The following MAST1 variants were observed in gnomAD, a reference collection of about 807,000 sequenced individuals.
The protein encoded by MAST1 is microtubule associated serine/threonine kinase 1, also known as microtubule-associated serine/threonine-protein kinase 1.
MAST1 carries 40 observed loss-of-function variants against 124.6 expected under a neutral mutation model. That is an observed-to-expected ratio of 0.32 (90% CI 0.25 to 0.42). The LOEUF is 0.42. Among genes scored for constraint, MAST1 ranks in the 10% least tolerant of loss-of-function variants. The probability of loss-of-function intolerance (pLI) is 1.00; values close to 1 mark genes in which losing one functional copy is unlikely to be tolerated. For synonymous variants in MAST1, 938 were observed against 939.4 expected (o/e 1.00, Z 0.03); for missense variants, 1,558 against 2,181.9 (o/e 0.71, Z 5.70).
At chr19:12,857,014 C>T (rs1473192474) in intron 10 of MAST1, among the ~76,000 whole-genome samples, 5 of 152,116 alleles carry the variant, frequency 3.3e-5, no homozygotes, top group Non-Finnish European at 7.3e-5. Context: ...TTTTTTCTCC[C>T]AATCTGCTAG....
At chr19:12,858,251 A>T (rs1970039980) in intron 10 of MAST1, 111 bp from the exon 11 acceptor site, 1 of 928,580 alleles carries the variant, frequency 1.1e-6, no homozygotes, top group Non-Finnish European at 1.7e-6. Context: ...TGGCACTTGG[A>T]TGAAGGACTC....
At position 12,838,540 on chromosome 19, in the gene MAST1, C is replaced by T; in HGVS notation, c.-33C>T. 1 of 1,483,530 alleles carries T rather than the reference C, an allele frequency of 6.7e-7. No homozygotes were observed. Among genetic ancestry groups the T allele is most frequent in the Non-Finnish European group, 9.0e-7 (1 of 1,110,148 alleles). 91.9% of individuals were successfully genotyped at this position (1,483,530 alleles called of 1,614,324 possible). On this transcript the variant is annotated 5_prime_UTR_variant, in exon 1 of 26. Coordinates refer to ENST00000251472, the MANE Select transcript of MAST1 (RefSeq NM_014975.3). This position sits in a 1 kb window ranked among gnomAD's most constrained non-coding sequence, Gnocchi z 4.3. ...GCCGCCGCCGCCTCCGCCGCTGCTG[C>T]CGCACCTGCCACCATGTCGCCGCCG...
chr19:12,851,399 G>A lies in MAST1; in HGVS notation c.775-535G>A, dbSNP rs1969957891. ...CCACTTCAGCCTCCCAGGTAGCTAGGACTACAGGCACACACTACCACACCT... is the reference window on the plus strand; with the variant it reads ...CCACTTCAGCCTCCCAGGTAGCTAGAACTACAGGCACACACTACCACACCT... On this transcript the variant is annotated intron_variant, in intron 7 of 25. Coordinates refer to ENST00000251472, the MANE Select transcript of MAST1 (RefSeq NM_014975.3). 2.0e-5 allele frequency among the ~76,000 whole-genome samples: 3 copies of A among 152,054 alleles called. No individual in the cohort carries two copies. The South Asian group carries it at 6.2e-4, about 32-fold the overall frequency.
chr19:12,869,193 C>A lies in MAST1; in HGVS notation c.2901C>A (p.Pro967=). The change falls in exon 22 of 26, where the codon CCC becomes CCA. Residue 967 remains proline (P), a synonymous_variant. Coordinates refer to ENST00000251472, the MANE Select transcript of MAST1 (RefSeq NM_014975.3). ...YSPAVSGLRS[P]ITIQRSGKKY... ...CAGCTGTCAGTGGGCTCCGCTCCCCCATCACCATCCAGCGCTCGGGCAAGA... is the reference window on the plus strand; with the variant it reads ...CAGCTGTCAGTGGGCTCCGCTCCCCAATCACCATCCAGCGCTCGGGCAAGA... The A allele has an allele frequency of 6.2e-7, 1 of 1,614,190 alleles. No homozygotes were observed. Among genetic ancestry groups the A allele is most frequent in the Non-Finnish European group, 8.5e-7 (1 of 1,180,030 alleles).
At chr19:12,863,722 C>T (rs956677107) in intron 12 of MAST1, among the ~76,000 whole-genome samples, 1 of 152,024 alleles carries the variant, frequency 6.6e-6, no homozygotes, top group African/African-American at 2.4e-5. Flanking sequence ...CCGGTTGCTG[C>T]ACATGGAAGG....
intron 4 of MAST1, among the ~76,000 whole-genome samples, chr19:12,845,618 G>A (rs984064759): frequency 2.7e-5 from 4 of 149,088 alleles, no homozygotes; most frequent in African/African-American, 9.8e-5. Context: ...CAAGAGGAGA[G>A]CCAGGCATAG....
chr19:12,848,078 G>C (rs1432863163), intron 7 of MAST1, 21 bp downstream of exon 7: 2 of 1,607,408 alleles, frequency 1.2e-6, no homozygotes, highest in Non-Finnish European at 1.7e-6. Context: ...GCGGAGGCCG[G>C]GCTGATCTCA....
At chr19:12,854,534 C>T (rs1969998568) in intron 10 of MAST1, among the ~76,000 whole-genome samples, 1 of 152,188 alleles carries the variant, frequency 6.6e-6, no homozygotes, top group South Asian at 2.1e-4. Flanking sequence ...GCTTGTGTCA[C>T]TGCTTCATTC....
rs367908298 is a variant in MAST1, at chr19:12,840,443, C to T, written c.84-3C>T. 8.1e-6 allele frequency: 13 copies of T among 1,610,308 alleles called. No individual in the cohort carries two copies. Among genetic ancestry groups the T allele is most frequent in the Non-Finnish European group, 1.0e-5 (12 of 1,177,254 alleles). ...CGGCCCCCCTGCCTTACCTTCCCCG[C>T]AGCTGCCGCACCAGTAATCGGAAAA... On this transcript the variant is annotated splice_polypyrimidine_tract_variant and splice_region_variant and intron_variant, in intron 1 of 25. Coordinates refer to ENST00000251472, the MANE Select transcript of MAST1 (RefSeq NM_014975.3).
chr19:12,859,139 G>T (rs557067807), intron 12 of MAST1, among the ~76,000 whole-genome samples: 3 of 152,068 alleles, frequency 2.0e-5, no homozygotes, highest in Non-Finnish European at 4.4e-5. Context: ...CAGTGCAGTG[G>T]TGCAATCTCG....
intron 12 of MAST1, among the ~76,000 whole-genome samples, chr19:12,863,268 T>C (rs1970108907): frequency 6.6e-6 from 1 of 151,498 alleles, no homozygotes; most frequent in Non-Finnish European, 1.5e-5. Flanking sequence ...AGATGACTGC[T>C]CTAGTCCAGG....
rs966790949 is a variant in MAST1 at position 12,841,269 on chromosome 19, C to G, written c.248+203C>G. Among the ~76,000 whole-genome samples the G allele has an allele frequency of 6.6e-6, 1 of 152,254 alleles. No homozygotes were observed. Reference sequence around the variant, plus strand: ...GCGGGGTCCAATCGCCGATCTGGAACGGGGAAGGCGGTGGGGCTCCCTTTG... The same window carrying G: ...GCGGGGTCCAATCGCCGATCTGGAAGGGGGAAGGCGGTGGGGCTCCCTTTG... On this transcript the variant is annotated intron_variant, in intron 3 of 25. Coordinates refer to ENST00000251472, the MANE Select transcript of MAST1 (RefSeq NM_014975.3). This position sits in a 1 kb window ranked among gnomAD's most constrained non-coding sequence, Gnocchi z 4.3.
intron 20 of MAST1, among the ~76,000 whole-genome samples, chr19:12,868,324 G>T (rs1373667111): frequency 6.6e-6 from 1 of 151,774 alleles, no homozygotes; most frequent in Non-Finnish European, 1.5e-5. Flanking sequence ...GGCAAGGCTG[G>T]TCTCGAACTC....
In MAST1 at chr19:12,858,644, A is replaced by G. The variant is rs1342421667; in HGVS notation, c.1271A>G (p.Asp424Gly). Residue 424 changes from aspartate (D) to glycine (G), a missense_variant, in exon 12 of 26, where the codon GAT becomes GGT. Asp to Gly is a moderately conservative substitution (Grantham distance 94). Around this residue, in one of 10 missense-constraint regions of MAST1, gnomAD observed 136 missense variants for 160.9 expected, o/e 0.85. Transcript: ENST00000251472. ...ATCCAGCAGGCCTTTGTGGAGCGCG[A>G]TATCCTCACCTTCGCCGAGAACCCG... is the stretch of plus-strand genomic sequence containing the variant. ...NQIQQAFVER[D>G]ILTFAENPFV... 6.2e-7 allele frequency: 1 copy of G among 1,614,192 alleles called. No individual in the cohort carries two copies. Among genetic ancestry groups the G allele is most frequent in the Non-Finnish European group, 8.5e-7 (1 of 1,180,018 alleles).
intron 3 of MAST1, among the ~76,000 whole-genome samples, chr19:12,842,768 G>A (rs1177205980): frequency 6.6e-6 from 1 of 152,190 alleles, no homozygotes; most frequent in African/African-American, 2.4e-5. Context: ...TGTCTGGAAC[G>A]TGCATCTGTG....
chr19:12,865,567 A>AC lies in MAST1; in HGVS notation c.1804+92dup. 4.6e-6 allele frequency: 7 copies of AC among 1,513,754 alleles called. No homozygotes were observed. The highest frequency in any genetic ancestry group is 3.9e-5 in the South Asian group (3 of 76,426). 93.8% of individuals were successfully genotyped at this position (1,513,754 alleles called of 1,614,324 possible). ...CAGGGTTCCAGGGATTTCAAAAGCG[A>AC]CCCCCCAGAGGATCGCTTGCACTCA... On this transcript the variant is annotated intron_variant, in intron 15 of 25. Coordinates refer to ENST00000251472, the MANE Select transcript of MAST1 (RefSeq NM_014975.3). The surrounding 1 kb of genome is among the most constrained non-coding windows in gnomAD (Gnocchi z 7.1).
Position 12,868,674 on chromosome 19 carries a change from A to C in MAST1, c.2598A>C (p.Pro866=). ...TDRPRPGDLC[P]PSKDGDASGP... is the part of the protein sequence containing the mutation. ...GTCCACGCCCAGGTGACCTCTGCCC[A>C]CCCTCGAAGGATGGGGATGCATCAG... Residue 866 remains proline (P), a synonymous_variant, in exon 21 of 26, where the codon CCA becomes CCC. Coordinates refer to ENST00000251472, the MANE Select transcript of MAST1 (RefSeq NM_014975.3). 1 of 1,607,332 alleles carries C rather than the reference A, an allele frequency of 6.2e-7. No individual in the cohort carries two copies. The highest frequency in any genetic ancestry group is 8.5e-7 in the Non-Finnish European group (1 of 1,175,608).
rs1970154146 is a variant in MAST1, at chr19:12,866,374, G to C, written c.2029+272G>C. ...AGTGTGGGCCTGGAACTGAACTAGA[G>C]AGAGGTACTAGCGCTCAGAATGGCC... On this transcript the variant is annotated intron_variant, in intron 17 of 25. Transcript: ENST00000251472. This position sits in a 1 kb window ranked among gnomAD's most constrained non-coding sequence, Gnocchi z 5.2. Among the ~76,000 whole-genome samples, 1 of 152,170 alleles carries C rather than the reference G, an allele frequency of 6.6e-6. No homozygotes were observed.
chr19:12,848,725 A>C (rs1360739169), intron 7 of MAST1: 1 of 152,284 alleles, frequency 6.6e-6, no homozygotes, highest in East Asian at 1.9e-4. Flanking sequence ...TGGGAGGCTG[A>C]GGCAAGTGGA....
Sources: allele counts gnomAD v4.1 joint callset (sites outside exome capture counted in the v4.1 genomes callset), GRCh38; gene constraint gnomAD v4.1.1; regional missense constraint gnomAD v4.1.1; non-coding constraint Gnocchi (gnomAD v3.1); transcripts MANE v1.5; gene names NCBI Gene and HGNC (gene_info 2026-07-23, HGNC 2026-07-21).